Variants in MARCHF11 observed in about 807,000 individuals in gnomAD.
The protein encoded by MARCHF11 is membrane associated ring-CH-type finger 11.
A neutral mutation model predicts 37.3 loss-of-function variants in MARCHF11; 29 were observed. The ratio of observed to expected loss-of-function variants is 0.78; its 90% CI spans 0.58 to 1.06. The LOEUF (loss-of-function observed/expected upper bound fraction) is 1.06, where lower values mean the gene tolerates loss of function less well. Among genes scored for constraint, MARCHF11 ranks in the 50% least tolerant of loss-of-function variants. The pLI is 0.00. For synonymous variants in MARCHF11, 233 were observed against 228.0 expected (o/e 1.02, Z -0.20); for missense variants, 482 against 533.4 (o/e 0.90, Z 0.95).
chr5:16,125,389 A>G (rs1308858182), intron 2 of MARCHF11, among the ~76,000 whole-genome samples: 3 of 152,130 alleles, frequency 2.0e-5, no homozygotes, highest in African/African-American at 7.2e-5. Flanking sequence ...ACATCCTATT[A>G]TCATCATTAT....
intron 2 of MARCHF11, among the ~76,000 whole-genome samples, chr5:16,163,077 A>T (rs988376873): frequency 1.6e-4 from 25 of 152,060 alleles, no homozygotes; most frequent in South Asian, 2.1e-4. Context: ...AAAGATGTGT[A>T]ACAAATGTTT....
At chr5:16,167,686 A>G (rs1489124028) in intron 2 of MARCHF11, among the ~76,000 whole-genome samples, 2 of 152,096 alleles carry the variant, frequency 1.3e-5, no homozygotes, top group African/African-American at 4.8e-5. Context: ...GTTTATTTCC[A>G]TTAGCATCAT....
chr5:16,126,071 G>A (rs1439689892), intron 2 of MARCHF11, among the ~76,000 whole-genome samples: 2 of 152,168 alleles, frequency 1.3e-5, no homozygotes, highest in East Asian at 3.9e-4. Flanking sequence ...AGTTGTTAGT[G>A]TTGGTTTCTT....
intron 2 of MARCHF11, among the ~76,000 whole-genome samples, chr5:16,122,951 G>A (rs1560981302): frequency 6.6e-6 from 1 of 152,162 alleles, no homozygotes; most frequent in Non-Finnish European, 1.5e-5. Context: ...GTATTGCCCA[G>A]ACAAGTCTTT....
At chr5:16,095,148 C>T (rs980678825) in intron 2 of MARCHF11, among the ~76,000 whole-genome samples, 2 of 152,156 alleles carry the variant, frequency 1.3e-5, no homozygotes, top group Non-Finnish European at 2.9e-5. Flanking sequence ...CTCTGCAGTG[C>T]CATGACAGTT....
chr5:16,095,076 A>G (rs564467590), intron 2 of MARCHF11, among the ~76,000 whole-genome samples: 1 of 152,306 alleles, frequency 6.6e-6, no homozygotes, highest in African/African-American at 2.4e-5. Context: ...TTTACCACTT[A>G]TACTAGACTA....
intron 2 of MARCHF11, among the ~76,000 whole-genome samples, chr5:16,128,268 G>C (rs947509760): frequency 1.3e-5 from 2 of 152,174 alleles, no homozygotes; most frequent in African/African-American, 4.8e-5. Flanking sequence ...GCTCAGTGCA[G>C]CTTGGCTATT....
intron 3 of MARCHF11, among the ~76,000 whole-genome samples, chr5:16,080,931 A>G (rs766085836): frequency 8.6e-5 from 13 of 152,016 alleles, no homozygotes; most frequent in Non-Finnish European, 1.6e-4. Flanking sequence ...CTCCCTCCCG[A>G]GCTCCACCCA....
chr5:16,174,137 G>A (rs1406137976), intron 2 of MARCHF11, among the ~76,000 whole-genome samples: 1 of 152,144 alleles, frequency 6.6e-6, no homozygotes, highest in Non-Finnish European at 1.5e-5. Context: ...AATGTATAAT[G>A]CTCCCAACAT....
At chr5:16,171,222 A>G (rs56892140) in intron 2 of MARCHF11, among the ~76,000 whole-genome samples, 2,735 of 151,878 alleles carry the variant, frequency 0.018, 97 homozygotes, top group African/African-American at 0.063. Context: ...TTCATCTAGC[A>G]TTAGGTATAT....
chr5:16,116,471 C>T (rs1445867981), intron 2 of MARCHF11, among the ~76,000 whole-genome samples: 2 of 152,160 alleles, frequency 1.3e-5, no homozygotes, highest in East Asian at 3.9e-4. Flanking sequence ...TACCCCCACC[C>T]TCTAATTGCA....
chr5:16,110,098 C>A (rs1040000111), intron 2 of MARCHF11, among the ~76,000 whole-genome samples: 1 of 152,156 alleles, frequency 6.6e-6, no homozygotes, highest in Non-Finnish European at 1.5e-5. Context: ...GGGCAACTAT[C>A]GTAACTGCCA....
chr5:16,113,516 AT>A (rs1737182227), intron 2 of MARCHF11, among the ~76,000 whole-genome samples: 2 of 152,226 alleles, frequency 1.3e-5, no homozygotes. Flanking sequence ...TAAATGAAAC[AT>A]GCATACATGG....
rs112116466 is a variant in MARCHF11, at chr5:16,128,908, C to T, written c.694-37827G>A. Among the ~76,000 whole-genome samples, 651 of 152,308 alleles carry T rather than the reference C, an allele frequency of 4.3e-3. 2 individuals are homozygous for T. The highest frequency in any genetic ancestry group is 0.015 in the African/African-American group (616 of 41,576). On this transcript the variant is annotated intron_variant, in intron 2 of 3. Coordinates refer to ENST00000332432, the MANE Select transcript of MARCHF11 (RefSeq NM_001102562.3). Reference sequence around the variant, plus strand: ...TAATTCATAAACCATCAATTGTAGACGAATATTTAAGCCTTAGACATTTAC... The same window carrying T: ...TAATTCATAAACCATCAATTGTAGATGAATATTTAAGCCTTAGACATTTAC...
chr5:16,147,028 G>C (rs1419007661), intron 2 of MARCHF11, among the ~76,000 whole-genome samples: 2 of 152,090 alleles, frequency 1.3e-5, no homozygotes, highest in African/African-American at 4.8e-5. Context: ...GAAAATACTG[G>C]AAGTATTTTC....
At chr5:16,116,989 C>T (rs1057126021) in intron 2 of MARCHF11, among the ~76,000 whole-genome samples, 3 of 152,172 alleles carry the variant, frequency 2.0e-5, no homozygotes, top group Non-Finnish European at 4.4e-5. Context: ...GAATTTAACA[C>T]TAATATAAAT....
chr5:16,084,791 C>A (rs1322170665), intron 3 of MARCHF11, among the ~76,000 whole-genome samples: 2 of 148,138 alleles, frequency 1.4e-5, no homozygotes, highest in Non-Finnish European at 1.5e-5. Flanking sequence ...ATAACTGGTA[C>A]AATAAGAAGA....
intron 2 of MARCHF11, among the ~76,000 whole-genome samples, chr5:16,151,332 T>G (rs1478211547): frequency 1.3e-5 from 2 of 151,894 alleles, no homozygotes; most frequent in Non-Finnish European, 2.9e-5. Flanking sequence ...AAAATCAATA[T>G]CCTCATGCAT....
intron 2 of MARCHF11, among the ~76,000 whole-genome samples, chr5:16,108,651 G>A (rs773636240): frequency 6.6e-6 from 1 of 152,156 alleles, no homozygotes; most frequent in Non-Finnish European, 1.5e-5. Context: ...GCAGGGGAGA[G>A]AGAGAGTAAA....
Sources: allele counts gnomAD v4.1 joint callset (sites outside exome capture counted in the v4.1 genomes callset), GRCh38; gene constraint gnomAD v4.1.1; transcripts MANE v1.5; gene names NCBI Gene and HGNC (gene_info 2026-07-23, HGNC 2026-07-21).